Variants in FBXL17 observed in about 807,000 individuals in gnomAD.
The protein encoded by FBXL17 is F-box/LRR-repeat protein 17.
A neutral mutation model predicts 66.2 loss-of-function variants in FBXL17; 22 were observed. The ratio of observed to expected loss-of-function variants is 0.33; its 90% CI spans 0.24 to 0.47. The LOEUF (loss-of-function observed/expected upper bound fraction) is 0.47, where lower values mean the gene tolerates loss of function less well. Ranked by LOEUF, FBXL17 falls within the 20% of genes least tolerant of loss-of-function variation. The pLI is 1.00. For synonymous variants in FBXL17, 474 were observed against 400.5 expected (o/e 1.18, Z -2.19); for missense variants, 878 against 948.2 (o/e 0.93, Z 0.97).
intron 6 of FBXL17, among the ~76,000 whole-genome samples, chr5:108,147,702 G>A (rs1751612876): frequency 6.6e-6 from 1 of 152,148 alleles, no homozygotes; most frequent in Non-Finnish European, 1.5e-5. Flanking sequence ...AATTTAAGGA[G>A]CTCAATTAAA....
intron 7 of FBXL17, among the ~76,000 whole-genome samples, chr5:108,011,341 A>G (rs1754161804): frequency 6.6e-6 from 1 of 152,246 alleles, no homozygotes; most frequent in Admixed American, 6.5e-5. Context: ...AAAGGGATGC[A>G]GCTCTTGGGC....
At chr5:108,052,618 C>T (rs1382960379) in intron 6 of FBXL17, among the ~76,000 whole-genome samples, 1 of 152,198 alleles carries the variant, frequency 6.6e-6, no homozygotes, top group Non-Finnish European at 1.5e-5. Context: ...AGTGGCCATA[C>T]TGCCCAAAGT....
At chr5:107,881,457 C>G (rs1580677567) in intron 7 of FBXL17, among the ~76,000 whole-genome samples, 1 of 152,138 alleles carries the variant, frequency 6.6e-6, no homozygotes, top group East Asian at 1.9e-4. Context: ...TTCAAACATT[C>G]AGCTCTGCAG....
intron 7 of FBXL17, among the ~76,000 whole-genome samples, chr5:107,957,968 T>C (rs1047950912): frequency 7.2e-5 from 11 of 152,140 alleles, no homozygotes; most frequent in Admixed American, 7.2e-4. Flanking sequence ...GGCCGAAGCA[T>C]TCTGTGCAGG....
chr5:108,205,947 T>C (rs190740799), intron 5 of FBXL17, among the ~76,000 whole-genome samples: 1 of 152,206 alleles, frequency 6.6e-6, no homozygotes, highest in African/African-American at 2.4e-5. Context: ...AATGATGCTG[T>C]GTACTCTCTA....
chr5:108,136,100 T>C (rs983303319), intron 6 of FBXL17, among the ~76,000 whole-genome samples: 6 of 152,128 alleles, frequency 3.9e-5, no homozygotes, highest in African/African-American at 1.4e-4. Flanking sequence ...TTTTGTCATC[T>C]GAAAATATGA....
intron 8 of FBXL17, chr5:107,880,654 C>T: frequency 6.7e-6 from 8 of 1,195,062 alleles, no homozygotes; most frequent in Non-Finnish European, 7.2e-6. Flanking sequence ...TTCTTTCCAC[C>T]TTTACTGTTG....
chr5:108,227,093 T>C (rs1169701120), intron 4 of FBXL17, among the ~76,000 whole-genome samples: 1 of 152,188 alleles, frequency 6.6e-6, no homozygotes, highest in South Asian at 2.1e-4. Flanking sequence ...CTAATGGTTC[T>C]GTTTCTGTGG....
At chr5:108,280,574 G>A (rs945759091) in intron 4 of FBXL17, among the ~76,000 whole-genome samples, 3 of 151,114 alleles carry the variant, frequency 2.0e-5, no homozygotes, top group Non-Finnish European at 3.0e-5. Flanking sequence ...CACCAAAACA[G>A]AATACTACCA....
chr5:108,077,670 AAAAAAAATG>A (rs1267586330), intron 6 of FBXL17, among the ~76,000 whole-genome samples: 1 of 152,106 alleles, frequency 6.6e-6, no homozygotes, highest in Non-Finnish European at 1.5e-5. Flanking sequence ...CTCAAAAAAA[AAAAAAAATG>A]AAAAAAATGA....
intron 7 of FBXL17, among the ~76,000 whole-genome samples, chr5:108,014,557 A>G (rs1025999598): frequency 6.6e-6 from 1 of 152,206 alleles, no homozygotes; most frequent in African/African-American, 2.4e-5. Flanking sequence ...AGACACAGTG[A>G]TAAGAGTTGT....
intron 4 of FBXL17, among the ~76,000 whole-genome samples, chr5:108,329,091 T>C (rs576848536): frequency 2.6e-5 from 4 of 152,266 alleles, no homozygotes; most frequent in South Asian, 2.1e-4. Context: ...AGTTAAAATA[T>C]ACTTATGTAA....
chr5:108,028,367 C>G (rs191215976), intron 6 of FBXL17, among the ~76,000 whole-genome samples: 1 of 152,178 alleles, frequency 6.6e-6, no homozygotes, highest in East Asian at 1.9e-4. Context: ...CAGCCTGTTC[C>G]CTTTATCTTA....
chr5:108,031,782 C>G (rs1746653463), intron 6 of FBXL17, among the ~76,000 whole-genome samples: 1 of 152,088 alleles, frequency 6.6e-6, no homozygotes, highest in African/African-American at 2.4e-5. Context: ...AATTTTAACA[C>G]TTCAGGTAGA....
rs368190373 is a variant in FBXL17 at position 108,026,556 on chromosome 5, A to T, written c.1746-5555T>A. ...AATTCTTTTTTAAAGGTTGACTTGC[A>T]ATTAACATGCGAGAGCATTTGCTCA... is the stretch of plus-strand genomic sequence containing the variant. On this transcript the variant is annotated intron_variant, in intron 6 of 8. Transcript: ENST00000542267. Among the ~76,000 whole-genome samples the T allele has an allele frequency of 1.2e-4, 18 of 152,346 alleles. No homozygotes were observed. The East Asian group carries it at 3.5e-3, about 29-fold the overall frequency.
chr5:108,272,394 C>T (rs189704495), intron 4 of FBXL17, among the ~76,000 whole-genome samples: 1,817 of 151,266 alleles, frequency 0.012, 15 homozygotes, highest in Non-Finnish European at 0.019. Context: ...CACTCTGTTG[C>T]CCAGGCTGGA....
At chr5:108,285,143 T>G (rs1757847634) in intron 4 of FBXL17, among the ~76,000 whole-genome samples, 1 of 151,968 alleles carries the variant, frequency 6.6e-6, no homozygotes, top group African/African-American at 2.4e-5. Context: ...ATCATGCAAC[T>G]GCAGCAATTC....
chr5:107,864,941 T>C (rs1748230833), intron 8 of FBXL17, among the ~76,000 whole-genome samples: 1 of 152,198 alleles, frequency 6.6e-6, no homozygotes, highest in Non-Finnish European at 1.5e-5. Flanking sequence ...TGCAGTTAGA[T>C]GACTTGCCTT....
intron 4 of FBXL17, among the ~76,000 whole-genome samples, chr5:108,259,561 G>A (rs185850570): frequency 1.3e-5 from 2 of 152,120 alleles, no homozygotes; most frequent in African/African-American, 4.8e-5. Context: ...GCCTCAGTTA[G>A]AAATGAATAT....
Sources: gnomAD v4.1 joint callset for allele counts (sites outside exome capture counted in the v4.1 genomes callset) on GRCh38, gnomAD v4.1.1 for gene constraint, MANE v1.5 for transcripts, NCBI Gene and HGNC (gene_info 2026-07-23, HGNC 2026-07-21) for gene names.